DAPK2: variants seen among roughly 807,000 people sequenced by gnomAD.
DAPK2 encodes death associated protein kinase 2, also known as death-associated protein kinase 2.
Under a neutral mutation model 44.1 loss-of-function variants are expected in DAPK2, and 35 were observed. The ratio of observed to expected loss-of-function variants is 0.79; its 90% CI spans 0.61 to 1.05. The LOEUF is 1.05. Ranked by LOEUF, DAPK2 falls within the 50% of genes least tolerant of loss-of-function variation. DAPK2 has a pLI of 0.00. For missense variants in DAPK2, 453 were observed against 483.2 expected (o/e 0.94, Z 0.59); for synonymous variants, 174 against 182.6 (o/e 0.95, Z 0.38).
At chr15:63,951,998 G>A (rs142594943) in intron 3 of DAPK2, among the ~76,000 whole-genome samples, 111 of 152,292 alleles carry the variant, frequency 7.3e-4, no homozygotes, top group African/African-American at 2.5e-3. Context: ...TCAGTACTTT[G>A]GTAGGCTGAG....
At chr15:63,947,503 A>G (rs538482343) in intron 3 of DAPK2, among the ~76,000 whole-genome samples, 1 of 152,304 alleles carries the variant, frequency 6.6e-6, no homozygotes, top group Admixed American at 6.5e-5. Context: ...AATATAGATA[A>G]TGGCTAAGCA....
chr15:63,961,846 T>A (rs552293001), intron 3 of DAPK2, among the ~76,000 whole-genome samples: 165 of 152,298 alleles, frequency 1.1e-3, no homozygotes, highest in African/African-American at 3.8e-3. Flanking sequence ...TTGAGGAGTA[T>A]CTTTGTGGCG....
intron 3 of DAPK2, among the ~76,000 whole-genome samples, chr15:63,963,299 C>T (rs1453488070): frequency 6.6e-6 from 1 of 151,552 alleles, no homozygotes; most frequent in Non-Finnish European, 1.5e-5. Flanking sequence ...TTGTGCTTCC[C>T]GAGTGAGGCG....
intron 8 of DAPK2, chr15:63,924,485 T>G: frequency 4.3e-6 from 1 of 234,738 alleles, no homozygotes; most frequent in Non-Finnish European, 8.3e-6. Context: ...GGAGTCCTGA[T>G]TTCCACTTGG....
chr15:64,046,381 G>GAACAGGGGA (rs1429681555), upstream of DAPK2: 1 of 374,506 alleles, frequency 2.7e-6, no homozygotes, highest in African/African-American at 2.2e-5. This position sits in a 1 kb window ranked among gnomAD's most constrained non-coding sequence, Gnocchi z 5.3. Flanking sequence ...GGCGCGGCGG[G>GAACAGGGGA]CGCGGCGGGA....
chr15:64,023,991 T>C (rs2079763753), intron 1 of DAPK2, among the ~76,000 whole-genome samples: 1 of 152,146 alleles, frequency 6.6e-6, no homozygotes. Flanking sequence ...TAACTGCCTA[T>C]CTGAAAGAAA....
At chr15:63,955,610 C>T (rs755103122) in intron 3 of DAPK2, among the ~76,000 whole-genome samples, 2 of 152,080 alleles carry the variant, frequency 1.3e-5, no homozygotes, top group Non-Finnish European at 2.9e-5. Flanking sequence ...ACTCTGTCAC[C>T]GAGGCTGGAG....
intron 1 of DAPK2, among the ~76,000 whole-genome samples, chr15:63,998,449 C>T (rs1318833215): frequency 2.0e-5 from 3 of 152,216 alleles, no homozygotes; most frequent in Non-Finnish European, 4.4e-5. Context: ...CTCCCTCAGG[C>T]TGCCTGCCAC....
chr15:63,908,591 C>G lies in DAPK2; in HGVS notation c.1042G>C (p.Glu348Gln). ...GCGATGTCCTCCTCAGTGTCACTCT[C>G]ACAGTTCCTCTGGAGAAAAAAAAGA... Residue 348 changes from glutamate to glutamine, a missense_variant, in exon 11 of 11, where the codon GAG becomes CAG. Coordinates refer to ENST00000261891, the Ensembl canonical transcript of DAPK2. This position sits in a 1 kb window ranked among gnomAD's most constrained non-coding sequence, Gnocchi z 5.7. 1 of 1,598,248 alleles carries G rather than the reference C, an allele frequency of 6.3e-7. No individual in the cohort carries two copies. The highest frequency in any genetic ancestry group is 8.5e-7 in the Non-Finnish European group (1 of 1,173,980).
intron 8 of DAPK2, among the ~76,000 whole-genome samples, chr15:63,914,991 C>T (rs1261142970): frequency 2.0e-5 from 3 of 152,058 alleles, no homozygotes; most frequent in Admixed American, 6.6e-5. Context: ...CTAGGACTGC[C>T]GCAGATACCA....
chr15:64,038,720 A>C (rs994955455), intron 1 of DAPK2, among the ~76,000 whole-genome samples: 1 of 152,152 alleles, frequency 6.6e-6, no homozygotes, highest in African/African-American at 2.4e-5. Flanking sequence ...TAGTCCTGAC[A>C]TAAGAGTTCT....
At chr15:63,991,456 C>G (rs1030409307) in intron 1 of DAPK2, 2 of 395,902 alleles carry the variant, frequency 5.1e-6, no homozygotes, top group Non-Finnish European at 1.0e-5. Context: ...GACCTTGTTG[C>G]TACTGTCTTT....
At chr15:63,930,623 G>A (rs4776260) in intron 4 of DAPK2, among the ~76,000 whole-genome samples, 168 bp from the exon 6 acceptor site, 1 of 152,204 alleles carries the variant, frequency 6.6e-6, no homozygotes, top group Admixed American at 6.5e-5. Flanking sequence ...GAAAGGAGTT[G>A]CCATGGCCCA....
chr15:64,043,787 G>A (rs1047712354), upstream of DAPK2, among the ~76,000 whole-genome samples: 2 of 152,210 alleles, frequency 1.3e-5, no homozygotes, highest in African/African-American at 2.4e-5. Context: ...CATGGATAAC[G>A]TGAATTCCTT....
At chr15:63,943,150 G>A (rs1052784047) in intron 3 of DAPK2, among the ~76,000 whole-genome samples, 3 of 151,456 alleles carry the variant, frequency 2.0e-5, no homozygotes, top group Non-Finnish European at 2.9e-5. Flanking sequence ...CTAGCCAGGT[G>A]TGGTGGCTCA....
chr15:63,939,397 G>T lies in DAPK2; in HGVS notation c.454-36C>A. On this transcript the variant is annotated intron_variant, in intron 3 of 10. Coordinates refer to ENST00000261891, the Ensembl canonical transcript of DAPK2. The surrounding 1 kb of genome is among the most constrained non-coding windows in gnomAD (Gnocchi z 4.3). ...AAAAGTAGAAAAAAAAAAAAGGAAG[G>T]AAGAAAAGAAAAAAAAAGACGGTAA... The T allele has an allele frequency of 6.5e-7, 1 of 1,544,420 alleles. No individual in the cohort carries two copies. The highest frequency in any genetic ancestry group is 8.7e-7 in the Non-Finnish European group (1 of 1,146,692).
chr15:63,911,947 C>T (rs201355789), exon 10 of DAPK2: 22 of 1,613,984 alleles, frequency 1.4e-5, no homozygotes, highest in East Asian at 1.3e-4. Context: ...TCTTCATCAG[C>T]GAGCGGGTGA....
At chr15:63,985,033 A>G (rs1382582321) in intron 1 of DAPK2, among the ~76,000 whole-genome samples, 2 of 152,190 alleles carry the variant, frequency 1.3e-5, no homozygotes, top group Non-Finnish European at 2.9e-5. Flanking sequence ...ACACAAACTC[A>G]TGCATCTCTC....
In DAPK2 at chr15:63,990,672, C is replaced by T. The variant is rs1407434544; in HGVS notation, c.93-6918G>A. Among the ~76,000 whole-genome samples the T allele has an allele frequency of 6.6e-6, 1 of 152,182 alleles. No individual in the cohort carries two copies. ...CGCGGAGACTGGCTTCCTCCTCCTG[C>T]TTCCCCACCGCAGACACCGCAGTTC... is the stretch of plus-strand genomic sequence containing the variant. On this transcript the variant is annotated intron_variant, in intron 1 of 10. Transcript: ENST00000261891. This position sits in a 1 kb window ranked among gnomAD's most constrained non-coding sequence, Gnocchi z 4.3.
Sources: allele counts gnomAD v4.1 joint callset (sites outside exome capture counted in the v4.1 genomes callset), GRCh38; gene constraint gnomAD v4.1.1; non-coding constraint Gnocchi (gnomAD v3.1); transcripts MANE v1.5; gene names NCBI Gene and HGNC (gene_info 2026-07-23, HGNC 2026-07-21).